ACOT11: variants seen among roughly 807,000 people sequenced by gnomAD.
The protein encoded by ACOT11 is acyl-CoA thioesterase 11.
A neutral mutation model predicts 77.5 loss-of-function variants in ACOT11; 69 were observed. The observed-to-expected ratio is 0.89, with a 90% CI of 0.73 to 1.09. The LOEUF (loss-of-function observed/expected upper bound fraction) is 1.09, where lower values mean the gene tolerates loss of function less well. Ranked by LOEUF, ACOT11 falls within the 50% of genes least tolerant of loss-of-function variation. ACOT11 has a pLI of 0.00. For synonymous variants in ACOT11, 279 were observed against 313.0 expected (o/e 0.89, Z 1.15); for missense variants, 766 against 813.7 (o/e 0.94, Z 0.71).
chr1:54,583,621 A>C (rs1654396574), intron 1 of ACOT11, among the ~76,000 whole-genome samples: 1 of 152,148 alleles, frequency 6.6e-6, no homozygotes, highest in Admixed American at 6.5e-5. Flanking sequence ...GAGCTTTGTC[A>C]CTTACTTGGG....
intron 1 of ACOT11, among the ~76,000 whole-genome samples, chr1:54,560,632 G>A (rs1458575469): frequency 6.6e-6 from 1 of 152,044 alleles, no homozygotes; most frequent in Non-Finnish European, 1.5e-5. Flanking sequence ...AGGCTCAGGT[G>A]ATCTTCCTGC....
At position 54,626,983 on chromosome 1, in the gene ACOT11, A is replaced by G. The variant is rs544068888; in HGVS notation, c.1630-3751A>G. Among the ~76,000 whole-genome samples the G allele has an allele frequency of 3.1e-4, 41 of 133,936 alleles. 8 individuals are homozygous for G. The highest frequency in any genetic ancestry group is 1.0e-3 in the African/African-American group (41 of 39,402). 87.9% of individuals were successfully genotyped at this position (133,936 alleles called of 152,430 possible). On this transcript the variant is annotated intron_variant, in intron 15 of 16. Coordinates refer to the ACOT11 transcript ENST00000371316. ...AGTGATTTTCCTGCCTCAGTCTCCA[A>G]GTAGCTGGGATTACAGGTGCGCACC...
chr1:54,573,589 C>T (rs1302916939), intron 1 of ACOT11, among the ~76,000 whole-genome samples: 1 of 152,068 alleles, frequency 6.6e-6, no homozygotes, highest in African/African-American at 2.4e-5. Context: ...AAAAAGTATC[C>T]AGGCATGGTG....
downstream of ACOT11, chr1:54,614,966 A>T (rs1644157558): frequency 3.3e-6 from 2 of 612,950 alleles, no homozygotes; most frequent in Non-Finnish European, 2.7e-6. Context: ...ATGTGCGTGC[A>T]CAGTGGAGTC....
intron 1 of ACOT11, among the ~76,000 whole-genome samples, chr1:54,551,130 CA>C (rs11367325): frequency 0.37 from 33,408 of 90,436 alleles, 2,555 homozygotes; most frequent in Middle Eastern, 0.51. Context: ...ACAGTGGTCT[CA>C]AAAAAAAAAA....
intron 1 of ACOT11, among the ~76,000 whole-genome samples, chr1:54,574,280 G>A (rs1223404522): frequency 6.6e-6 from 1 of 152,184 alleles, no homozygotes; most frequent in African/African-American, 2.4e-5. Flanking sequence ...CTGTCCTGCA[G>A]GTTCCTGTCC....
chr1:54,590,543 G>GA (rs78792462), intron 3 of ACOT11, among the ~76,000 whole-genome samples: 6,653 of 151,606 alleles, frequency 0.044, 276 homozygotes, highest in East Asian at 0.18. Flanking sequence ...GGGAGAGGAG[G>GA]AAAAATCACA....
chr1:54,631,842 C>T (rs888552523), intron 16 of ACOT11, among the ~76,000 whole-genome samples: 1 of 152,130 alleles, frequency 6.6e-6, no homozygotes, highest in Admixed American at 6.5e-5. Flanking sequence ...TATTAGCTTT[C>T]GACAATGCTA....
intron 1 of ACOT11, among the ~76,000 whole-genome samples, chr1:54,583,114 G>A (rs913807738): frequency 2.0e-5 from 3 of 152,018 alleles, no homozygotes; most frequent in African/African-American, 4.8e-5. Context: ...GGACAACATC[G>A]GCCTTCCAGC....
chr1:54,604,535 T>G, intron 12 of ACOT11, 106 bp downstream of exon 12: 4 of 1,070,650 alleles, frequency 3.7e-6, no homozygotes, highest in Non-Finnish European at 5.5e-6. Context: ...AAAAGATCTC[T>G]TCAAAGAATT....
intron 3 of ACOT11, among the ~76,000 whole-genome samples, chr1:54,587,516 A>G (rs1654546693): frequency 6.8e-6 from 1 of 147,562 alleles, no homozygotes; most frequent in Admixed American, 6.8e-5. Flanking sequence ...GCGAGCCTCC[A>G]TCTCAAAAAA....
chr1:54,564,519 C>T (rs915534419), intron 1 of ACOT11, among the ~76,000 whole-genome samples: 8 of 152,250 alleles, frequency 5.3e-5, no homozygotes, highest in Admixed American at 5.2e-4. Context: ...GACGTGGACT[C>T]GGTGAGAGGT....
intron 1 of ACOT11, among the ~76,000 whole-genome samples, chr1:54,577,311 T>C (rs1654149473): frequency 6.6e-6 from 1 of 152,202 alleles, no homozygotes; most frequent in African/African-American, 2.4e-5. Context: ...CCATTCCCTC[T>C]GCCCCCAGCC....
chr1:54,575,724 G>A (rs1654090929), intron 1 of ACOT11, among the ~76,000 whole-genome samples: 1 of 152,250 alleles, frequency 6.6e-6, no homozygotes. Flanking sequence ...TTGTCACAAT[G>A]GAGAGCACTG....
chr1:54,610,703 T>C, downstream of ACOT11: 1 of 1,415,226 alleles, frequency 7.1e-7, no homozygotes, highest in South Asian at 1.5e-5. Context: ...CCTTGCCTTG[T>C]AGACTAGAAG....
At chr1:54,553,349 C>G (rs1569631217) in intron 1 of ACOT11, among the ~76,000 whole-genome samples, 2 of 151,478 alleles carry the variant, frequency 1.3e-5, no homozygotes, top group Non-Finnish European at 2.9e-5. Flanking sequence ...AACTGTGTCT[C>G]TATTAAAAAT....
Position 54,629,939 on chromosome 1 carries a change from G to A in ACOT11, c.1630-795G>A, listed in dbSNP as rs564711354. The stretch of plus-strand genomic sequence containing the variant: ...GTTTGAGACGGAGTCTTGCTCTGTC[G>A]CCCAGGCTGGAGTGCAGTGGCACGA... On this transcript the variant is annotated intron_variant, in intron 15 of 16. Coordinates refer to the ACOT11 transcript ENST00000371316. Among the ~76,000 whole-genome samples the A allele has an allele frequency of 1.5e-3, 201 of 131,736 alleles. 39 individuals carry two copies. The highest frequency in any genetic ancestry group is 2.5e-3 in the Admixed American group (32 of 12,878). 86.4% of individuals were successfully genotyped at this position (131,736 alleles called of 152,430 possible). A position where few individuals can be genotyped will look rare whatever the true frequency, so the allele number is the denominator to read the frequency against.
chr1:54,605,743 GTTATTCC>G (rs1195195578), intron 13 of ACOT11, among the ~76,000 whole-genome samples: 1 of 152,138 alleles, frequency 6.6e-6, no homozygotes, highest in Non-Finnish European at 1.5e-5. Context: ...ATAGAAATAT[GTTATTCC>G]TTTACATACA....
At chr1:54,612,027 G>A (rs6660376), downstream of ACOT11, among the ~76,000 whole-genome samples, 41,620 of 150,248 alleles carry the variant, frequency 0.28, 6,430 homozygotes, top group East Asian at 0.34. Context: ...AAAGGGGCAG[G>A]ACAGATGGGG....
Sources: gnomAD v4.1 joint callset for allele counts (sites outside exome capture counted in the v4.1 genomes callset) on GRCh38, gnomAD v4.1.1 for gene constraint, MANE v1.5 for transcripts, NCBI Gene and HGNC (gene_info 2026-07-23, HGNC 2026-07-21) for gene names.